The following STPG4 variants were observed in gnomAD, a reference collection of about 807,000 sequenced individuals.
STPG4 encodes protein STPG4.
STPG4 carries 41 observed loss-of-function variants against 31.5 expected under a neutral mutation model. The observed-to-expected ratio is 1.30, with a 90% CI of 1.01 to 1.69. The LOEUF (loss-of-function observed/expected upper bound fraction) is 1.69, where lower values mean the gene tolerates loss of function less well. STPG4 is among the 40% of genes most tolerant of loss of function. The pLI, the probability that STPG4 is intolerant of heterozygous loss-of-function variation, is 0.00. For synonymous variants in STPG4, 141 were observed against 103.0 expected, an observed-to-expected ratio of 1.37 and a Z score of -2.24; for missense variants, 375 against 293.4, an observed-to-expected ratio of 1.28 and a Z score of -2.03.
At chr2:47,095,741 G>C (rs1384440483) in intron 5 of STPG4, among the ~76,000 whole-genome samples, 1 of 152,184 alleles carries the variant, frequency 6.6e-6, no homozygotes, top group African/African-American at 2.4e-5. Context: ...TTTTAACTGG[G>C]CTCATGTCTA....
chr2:47,132,897 G>T (rs1307638678), intron 3 of STPG4, among the ~76,000 whole-genome samples: 1 of 152,100 alleles, frequency 6.6e-6, no homozygotes, highest in African/African-American at 2.4e-5. Context: ...TTTCCATAAT[G>T]AAGTGCTCAT....
intron 5 of STPG4, among the ~76,000 whole-genome samples, chr2:47,100,794 C>A (rs1685781383): frequency 6.6e-6 from 1 of 151,750 alleles, no homozygotes; most frequent in Non-Finnish European, 1.5e-5. Flanking sequence ...CCACGAAAGT[C>A]TGCAGCTTCA....
At chr2:47,111,006 A>G (rs944223185) in intron 5 of STPG4, among the ~76,000 whole-genome samples, 3 of 152,254 alleles carry the variant, frequency 2.0e-5, no homozygotes, top group African/African-American at 7.2e-5. Context: ...TCCCTTGATC[A>G]TATCTTTGTA....
intron 5 of STPG4, among the ~76,000 whole-genome samples, chr2:47,118,835 T>C (rs1277242058): frequency 6.6e-6 from 1 of 152,130 alleles, no homozygotes; most frequent in Non-Finnish European, 1.5e-5. Flanking sequence ...ACTAAACGGG[T>C]GGTAGTCAAG....
chr2:47,087,058 C>T lies in STPG4; in HGVS notation c.697G>A (p.Gly233Ser). The T allele has an allele frequency of 6.4e-7, 1 of 1,551,690 alleles. No individual in the cohort carries two copies. The highest frequency in any genetic ancestry group is 8.7e-7 in the Non-Finnish European group (1 of 1,146,988). Residue 233 changes from glycine (G) to serine (S), a missense_variant, in exon 7 of 7, where the codon GGC (glycine) becomes AGC (serine). Transcript: ENST00000445927. ...PKQSPTIAKMGQEHSLFFNNN... is the reference protein window; with the variant it reads ...PKQSPTIAKMSQEHSLFFNNN... ...TTGAAGAAAAGGCTATGCTCTTGGC[C>T]CATTTTGGCTATGGTCGGAGACTGC...
At chr2:47,133,664 G>A (rs568945915) in intron 3 of STPG4, among the ~76,000 whole-genome samples, 71 of 125,362 alleles carry the variant, frequency 5.7e-4, no homozygotes, top group Admixed American at 2.1e-3. Flanking sequence ...CACAACCTCT[G>A]CCTCCCGGGT....
chr2:47,116,311 G>T (rs58165523), intron 5 of STPG4, among the ~76,000 whole-genome samples: 2,177 of 152,296 alleles, frequency 0.014, 62 homozygotes, highest in African/African-American at 0.049. Context: ...CAAAATAGCG[G>T]TTTATCCCAC....
At chr2:47,127,894 A>G (rs1686396034) in intron 5 of STPG4, among the ~76,000 whole-genome samples, 1 of 152,060 alleles carries the variant, frequency 6.6e-6, no homozygotes, top group Non-Finnish European at 1.5e-5. Flanking sequence ...TGATACCTGT[A>G]TATGTTTGCC....
At chr2:47,099,984 G>A (rs1046431572) in intron 5 of STPG4, among the ~76,000 whole-genome samples, 1 of 152,156 alleles carries the variant, frequency 6.6e-6, no homozygotes, top group Non-Finnish European at 1.5e-5. Context: ...CAGGGCTCGG[G>A]ACCTGCAGCC....
At chr2:47,117,268 G>A (rs964052486) in intron 5 of STPG4, among the ~76,000 whole-genome samples, 1 of 152,152 alleles carries the variant, frequency 6.6e-6, no homozygotes, top group African/African-American at 2.4e-5. Flanking sequence ...AGAGTGCAAT[G>A]GCACTATCTC....
chr2:47,106,347 C>G (rs937905200), intron 5 of STPG4, among the ~76,000 whole-genome samples: 21 of 151,834 alleles, frequency 1.4e-4, no homozygotes, highest in Non-Finnish European at 1.9e-4. Context: ...TATCAGTACC[C>G]CTCAAAGCTC....
chr2:47,132,408 C>T (rs1234983844), intron 3 of STPG4, among the ~76,000 whole-genome samples: 2 of 152,204 alleles, frequency 1.3e-5, no homozygotes, highest in Admixed American at 6.5e-5. Flanking sequence ...CACTCGCTGG[C>T]ACATGGAAGT....
At chr2:47,129,595 C>T in intron 5 of STPG4, 1 of 228,510 alleles carries the variant, frequency 4.4e-6, no homozygotes, top group Non-Finnish European at 8.6e-6. Context: ...CCCCCCGTCA[C>T]GGCATTCCCT....
At chr2:47,101,087 A>T (rs1685790137) in intron 5 of STPG4, among the ~76,000 whole-genome samples, 1 of 151,838 alleles carries the variant, frequency 6.6e-6, no homozygotes, top group African/African-American at 2.4e-5. Flanking sequence ...CCAAGCAGTG[A>T]GTACCATCGG....
At chr2:47,097,462 T>G (rs6759897) in intron 5 of STPG4, among the ~76,000 whole-genome samples, 4,282 of 152,178 alleles carry the variant, frequency 0.028, 217 homozygotes, top group African/African-American at 0.098. Context: ...GAGGTGATTA[T>G]GTCATTAGGG....
At chr2:47,095,191 G>A (rs4953463) in intron 5 of STPG4, among the ~76,000 whole-genome samples, 128,862 of 152,146 alleles carry the variant, frequency 0.85, 54,691 homozygotes, top group Admixed American at 0.89. Context: ...TGAATTTGGA[G>A]TTCCCGGTAC....
At chr2:47,088,230 C>T (rs748091435) in intron 6 of STPG4, among the ~76,000 whole-genome samples, 1 of 152,138 alleles carries the variant, frequency 6.6e-6, no homozygotes, top group Non-Finnish European at 1.5e-5. Context: ...CAGGGGTGCA[C>T]CACCACACCT....
intron 2 of STPG4, among the ~76,000 whole-genome samples, chr2:47,152,010 G>A (rs1011392308): frequency 6.0e-5 from 9 of 151,062 alleles, no homozygotes; most frequent in Non-Finnish European, 1.0e-4. Flanking sequence ...TGATCCGCCC[G>A]CCTTGGCATC....
chr2:47,118,860 T>G (rs1340552805), intron 5 of STPG4, among the ~76,000 whole-genome samples: 1 of 152,258 alleles, frequency 6.6e-6, no homozygotes, highest in Non-Finnish European at 1.5e-5. Context: ...TTATCAAAGT[T>G]AACCCTACTA....
Sources: allele counts gnomAD v4.1 joint callset (sites outside exome capture counted in the v4.1 genomes callset), GRCh38; gene constraint gnomAD v4.1.1; transcripts MANE v1.5; gene names NCBI Gene and HGNC (gene_info 2026-07-23, HGNC 2026-07-21).